JPH3: variants seen among roughly 807,000 people sequenced by gnomAD.
The protein encoded by JPH3 is junctophilin 3.
Under a neutral mutation model 59.6 loss-of-function variants are expected in JPH3, and 11 were observed. The observed-to-expected ratio is 0.18, with a 90% CI of 0.12 to 0.31. The LOEUF (loss-of-function observed/expected upper bound fraction) is 0.31. Among genes scored for constraint, JPH3 ranks in the 10% least tolerant of loss-of-function variants. JPH3 has a pLI of 1.00. For missense variants in JPH3, 1,202 were observed against 1,105.7 expected (o/e 1.09, Z -1.24); for synonymous variants, 673 against 483.6 (o/e 1.39, Z -5.14).
rs1365880488 is a variant in JPH3 at position 87,690,208 on chromosome 16, A to G, written c.1848A>G (p.Lys616=). Residue 616 remains lysine, a synonymous_variant, in exon 4 of 5, where the codon AAA becomes AAG. Transcript: ENST00000284262. The part of the protein sequence containing the change: ...EKLSNYRMEM[K]PLLRMETHPQ... The stretch of plus-strand genomic sequence containing the variant: ...TGAGCAACTACCGGATGGAGATGAA[A>G]CCCTTGCTGAGGATGGAGACGCATC... 1.2e-6 allele frequency: 2 copies of G among 1,603,000 alleles called. No individual in the cohort carries two copies. The highest frequency in any genetic ancestry group is 4.5e-5 in the East Asian group (2 of 44,208).
intron 1 of JPH3, chr16:87,604,265 G>A (rs1193442990): frequency 2.7e-6 from 4 of 1,457,412 alleles, no homozygotes; most frequent in Non-Finnish European, 3.6e-6. Context: ...GGGCAGAGCC[G>A]GGGCCGGAAG....
In JPH3 at chr16:87,684,215, G is replaced by A. The variant is rs1482775575; in HGVS notation, c.1234G>A (p.Ala412Thr). ...AQKAQEEARI[A>T]RITAKEFSPS... is the part of the protein sequence containing the mutation. ...GAAAGCCCAGGAGGAGGCGCGGATC[G>A]CCAGGATCACTGCCAAAGAGTTCTC... Residue 412 changes from alanine (A) to threonine (T), a missense_variant, in exon 3 of 5, where the codon GCC becomes ACC. Ala to Thr is a moderately conservative substitution (Grantham distance 58, BLOSUM62 0). Transcript: ENST00000284262. 3.7e-6 allele frequency: 6 copies of A among 1,613,780 alleles called. No homozygotes were observed. Among genetic ancestry groups the A allele is most frequent in the African/African-American group, 1.3e-5 (1 of 74,918 alleles).
At chr16:87,681,127 G>T (rs1267432580) in intron 2 of JPH3, among the ~76,000 whole-genome samples, 1 of 151,940 alleles carries the variant, frequency 6.6e-6, no homozygotes, top group Non-Finnish European at 1.5e-5. Context: ...CGGGAGGTCA[G>T]GTGCGCGCGG....
chr16:87,655,604 C>A (rs992774083), intron 2 of JPH3, among the ~76,000 whole-genome samples: 1 of 152,246 alleles, frequency 6.6e-6, no homozygotes, highest in Non-Finnish European at 1.5e-5. Context: ...TCTCCTGCCT[C>A]AGCCTCCCAA....
intron 1 of JPH3, among the ~76,000 whole-genome samples, chr16:87,626,404 G>A (rs1408211334): frequency 6.6e-6 from 1 of 152,218 alleles, no homozygotes; most frequent in Non-Finnish European, 1.5e-5. Context: ...CAGGAGGACT[G>A]GGGCTCTCCT....
intron 2 of JPH3, among the ~76,000 whole-genome samples, chr16:87,673,987 G>A (rs2033081580): frequency 6.6e-6 from 1 of 150,662 alleles, no homozygotes; most frequent in Admixed American, 6.6e-5. Context: ...GAATAAGAAA[G>A]CTGTGTTTGC....
In JPH3 at chr16:87,627,776, C is replaced by G. The variant is rs149321332; in HGVS notation, c.383-16482C>G. Reference sequence around the variant, plus strand: ...GCCAGGATCCGAGCTCAGATTTGCCCGACTTCCACCCATGCCGGTGGGCGG... The same window carrying G: ...GCCAGGATCCGAGCTCAGATTTGCCGGACTTCCACCCATGCCGGTGGGCGG... On this transcript the variant is annotated intron_variant, in intron 1 of 4. Coordinates refer to ENST00000284262, the MANE Select transcript of JPH3 (RefSeq NM_020655.4). Among the ~76,000 whole-genome samples, 4 of 152,326 alleles carry G rather than the reference C, an allele frequency of 2.6e-5. No homozygotes were observed. The South Asian group carries it at 6.2e-4, about 24-fold the overall frequency.
chr16:87,607,372 C>T (rs143523387), intron 1 of JPH3, among the ~76,000 whole-genome samples: 1 of 152,346 alleles, frequency 6.6e-6, no homozygotes, highest in East Asian at 1.9e-4. Flanking sequence ...AGGTCCCGTT[C>T]ACCGGCCCAG....
At chr16:87,668,086 G>T (rs1301587629) in intron 2 of JPH3, among the ~76,000 whole-genome samples, 1 of 152,192 alleles carries the variant, frequency 6.6e-6, no homozygotes, top group African/African-American at 2.4e-5. Context: ...ACCGTGATGA[G>T]CAGAGCGCAG....
At chr16:87,603,909 G>GC (rs1431206196) in intron 1 of JPH3, among the ~76,000 whole-genome samples, 1 of 152,208 alleles carries the variant, frequency 6.6e-6, no homozygotes, top group Non-Finnish European at 1.5e-5. Context: ...TGTTGGCTTT[G>GC]CCCCCCACCC....
chr16:87,664,423 G>C lies in JPH3; in HGVS notation c.1160+19388G>C, dbSNP rs546094876. Among the ~76,000 whole-genome samples, 346 of 150,522 alleles carry C rather than the reference G, an allele frequency of 2.3e-3. 2 individuals carry two copies. The highest frequency in any genetic ancestry group is 7.7e-3 in the African/African-American group (316 of 40,846). On this transcript the variant is annotated intron_variant, in intron 2 of 4. Transcript: ENST00000284262. ...GTGGATCACTTGAGGTCAGGAGTTC[G>C]AGACCAGCCTGGCCAACATGGTGAA...
At chr16:87,665,384 C>G (rs528735266) in intron 2 of JPH3, among the ~76,000 whole-genome samples, 1 of 152,230 alleles carries the variant, frequency 6.6e-6, no homozygotes, top group Non-Finnish European at 1.5e-5. Flanking sequence ...CCGACAGCAC[C>G]GGCCCAGCCC....
intron 3 of JPH3, chr16:87,684,503 C>T (rs1282256794): frequency 8.9e-6 from 5 of 560,604 alleles, no homozygotes; most frequent in Non-Finnish European, 9.4e-6. Context: ...TCCCACAGTC[C>T]TTGGGGCACC....
chr16:87,658,506 G>A (rs972426989), intron 2 of JPH3, among the ~76,000 whole-genome samples: 2 of 150,200 alleles, frequency 1.3e-5, no homozygotes, highest in East Asian at 2.0e-4. Context: ...TCTTTTTCTC[G>A]TTCTCTGTCA....
At chr16:87,678,843 A>AGAGGCGGGAGTAAG (rs905845500) in intron 2 of JPH3, among the ~76,000 whole-genome samples, 5 of 152,216 alleles carry the variant, frequency 3.3e-5, no homozygotes, top group Non-Finnish European at 7.3e-5. Flanking sequence ...GGCCACCACG[A>AGAGGCGGGAGTAAG]GCCTGGGAAC....
chr16:87,634,973 T>C (rs7195405), intron 1 of JPH3, among the ~76,000 whole-genome samples: 46,169 of 151,968 alleles, frequency 0.3, 7,232 homozygotes, highest in Non-Finnish European at 0.34. Flanking sequence ...GCTCCCGGGG[T>C]AGTGTGTGGA....
At chr16:87,641,439 A>AT (rs1460496884) in intron 1 of JPH3, among the ~76,000 whole-genome samples, 5 of 152,188 alleles carry the variant, frequency 3.3e-5, no homozygotes, top group African/African-American at 1.2e-4. Flanking sequence ...GGGGTACAGA[A>AT]TGACCGACCA....
intron 2 of JPH3, among the ~76,000 whole-genome samples, chr16:87,682,218 G>T (rs896128786): frequency 2.0e-5 from 3 of 152,012 alleles, no homozygotes; most frequent in Non-Finnish European, 4.4e-5. Flanking sequence ...AATGTCATAG[G>T]TTTTTTTTCT....
rs539617868 is a variant in JPH3, at chr16:87,649,142, G to A, written c.1160+4107G>A. Among the ~76,000 whole-genome samples the A allele has an allele frequency of 1.3e-4, 20 of 152,282 alleles. No individual in the cohort carries two copies. The South Asian group carries it at 3.9e-3, about 30-fold the overall frequency. On this transcript the variant is annotated intron_variant, in intron 2 of 4. Transcript: ENST00000284262. ...CCCTCTGCTGCAGAGAGGGGCGGGAGCCAGTGGCCCCGCGGAGCTGAGGTC... is the reference window on the plus strand; with the variant it reads ...CCCTCTGCTGCAGAGAGGGGCGGGAACCAGTGGCCCCGCGGAGCTGAGGTC...
Sources: allele counts gnomAD v4.1 joint callset (sites outside exome capture counted in the v4.1 genomes callset), GRCh38; gene constraint gnomAD v4.1.1; transcripts MANE v1.5; gene names NCBI Gene and HGNC (gene_info 2026-07-23, HGNC 2026-07-21).